The following ACACA variants were observed in gnomAD, a reference collection of about 807,000 sequenced individuals.
ACACA encodes the protein acetyl-CoA carboxylase 1.
Under a neutral mutation model 296.1 loss-of-function variants are expected in ACACA, and 103 were observed. The observed-to-expected ratio is 0.35, with a 90% confidence interval of 0.30 to 0.41. The LOEUF is 0.41. ACACA is among the 10% of genes least tolerant of loss of function. The pLI, the probability that ACACA is intolerant of heterozygous loss-of-function variation, is 1.00. For synonymous variants in ACACA, 953 were observed against 1,038.6 expected, an observed-to-expected ratio of 0.92 and a Z score of 1.58; for missense variants, 1,554 against 2,989.7, an observed-to-expected ratio of 0.52 and a Z score of 11.20.
intron 2 of ACACA, among the ~76,000 whole-genome samples, chr17:37,333,717 G>A (rs557517801): frequency 3.2e-4 from 48 of 151,006 alleles, no homozygotes; most frequent in South Asian, 8.5e-4. Context: ...CAGATAGTCA[G>A]GGCCTGTGAA....
rs56281903 is a variant in ACACA, at chr17:37,388,352, C to T, written c.38+17910G>A. 4.0e-3 allele frequency among the ~76,000 whole-genome samples: 615 copies of T among 152,208 alleles called. 4 individuals carry two copies. The highest frequency in any genetic ancestry group is 0.012 in the South Asian group (56 of 4,820). ...AGCTGACAGTAAAAGAAGTTTAGAG[C>T]TCCATGTGTACCCGAGATTTTTCTT... is the stretch of plus-strand genomic sequence containing the variant. On this transcript the variant is annotated intron_variant, in intron 1 of 55. Transcript: ENST00000616317.
At chr17:37,371,239 C>A (rs1277607660) in intron 1 of ACACA, among the ~76,000 whole-genome samples, 1 of 151,694 alleles carries the variant, frequency 6.6e-6, no homozygotes, top group Admixed American at 6.6e-5. Context: ...GCCACCATGC[C>A]TGGCTAATTT....
intron 3 of ACACA, among the ~76,000 whole-genome samples, chr17:37,285,307 T>C (rs2082716496): frequency 6.6e-6 from 1 of 152,192 alleles, no homozygotes; most frequent in Non-Finnish European, 1.5e-5. Context: ...ATCACGACTC[T>C]GGTGTGCAGA....
chr17:37,342,374 C>T (rs1194083353), intron 1 of ACACA, among the ~76,000 whole-genome samples: 2 of 122,864 alleles, frequency 1.6e-5, no homozygotes, highest in Non-Finnish European at 3.2e-5. Flanking sequence ...CACCACTGCG[C>T]TCCAGGCTGT....
At chr17:37,313,380 T>C (rs972294169) in intron 3 of ACACA, among the ~76,000 whole-genome samples, 1 of 152,194 alleles carries the variant, frequency 6.6e-6, no homozygotes. Flanking sequence ...TATCAAACTA[T>C]GGTTATTACA....
chr17:37,155,628 C>A (rs984212433), intron 43 of ACACA, 55 bp downstream of exon 43: 13 of 1,187,264 alleles, frequency 1.1e-5, no homozygotes, highest in Non-Finnish European at 1.5e-5. Flanking sequence ...GAAAAAAATA[C>A]CATATTCTCC....
Position 37,188,474 on chromosome 17 carries a change from C to T in ACACA, c.4579G>A (p.Glu1527Lys), listed in dbSNP as rs745969915. Residue 1527 changes from glutamate to lysine, a missense_variant, in exon 39 of 56, where the codon GAA becomes AAA. This residue lies in a region of ACACA where 35 missense variants were observed against 131.8 expected (regional missense o/e 0.27). Transcript: ENST00000616317. ...TVIMDPSKIE[E>K]SVRSMVMRYG... ...CGCATTACCATGCTCCGCACGGATT[C>T]CTCAATCTGACACAGACACATCACC... The T allele has an allele frequency of 6.2e-7, 1 of 1,612,698 alleles. No homozygotes were observed. Among genetic ancestry groups the T allele is most frequent in the Non-Finnish European group, 8.5e-7 (1 of 1,179,986 alleles).
Position 37,330,263 on chromosome 17 carries a change from T to G in ACACA, c.248A>C (p.Glu83Ala). Residue 83 changes from glutamate to alanine, a missense_variant, in exon 3 of 56, where the codon GAG (glutamate) becomes GCG (alanine). Glu to Ala is a moderately radical substitution (Grantham distance 107). Transcript: ENST00000616317. The part of the protein sequence containing the change: ...LVKLDLLEEK[E>A]GSLSPASVGS... Reference sequence around the variant, plus strand: ...AACAGAAGCAGGTGACAAGGAGCCCTCCTTCTCCTCCAGTAGGTCCAACTT... The same window carrying G: ...AACAGAAGCAGGTGACAAGGAGCCCGCCTTCTCCTCCAGTAGGTCCAACTT... 2 of 1,614,208 alleles carry G rather than the reference T, an allele frequency of 1.2e-6. No homozygotes were observed. Among genetic ancestry groups the G allele is most frequent in the Non-Finnish European group, 1.7e-6 (2 of 1,180,042 alleles).
At chr17:37,396,664 A>G (rs975329200) in intron 1 of ACACA, among the ~76,000 whole-genome samples, 10 of 152,138 alleles carry the variant, frequency 6.6e-5, no homozygotes, top group Admixed American at 6.6e-4. Flanking sequence ...CTATGTCCAT[A>G]ACTAGCCATT....
intron 41 of ACACA, among the ~76,000 whole-genome samples, chr17:37,169,063 A>AGAAGG (rs2076791130): frequency 6.6e-6 from 1 of 152,214 alleles, no homozygotes; most frequent in Admixed American, 6.5e-5. Context: ...GTTTGCACTG[A>AGAAGG]TAGGCAGGGA....
intron 52 of ACACA, among the ~76,000 whole-genome samples, chr17:37,105,864 CAAAAAA>C (rs61529137): frequency 1.7e-5 from 2 of 115,524 alleles, no homozygotes; most frequent in Non-Finnish European, 4.0e-5. Flanking sequence ...AACTCTGTCT[CAAAAAA>C]AAAAAAAAAA....
At chr17:37,123,834 GTAACTTA>G (rs1158687483) in intron 48 of ACACA, among the ~76,000 whole-genome samples, 1 of 152,156 alleles carries the variant, frequency 6.6e-6, no homozygotes, top group Non-Finnish European at 1.5e-5. Flanking sequence ...CCCTAAATCG[GTAACTTA>G]TAACTTATAT....
intron 2 of ACACA, among the ~76,000 whole-genome samples, chr17:37,335,278 C>T (rs185064993): frequency 6.6e-6 from 1 of 152,252 alleles, no homozygotes; most frequent in Admixed American, 6.5e-5. Flanking sequence ...AATCCCTATA[C>T]CTGAACAATG....
At chr17:37,200,293 A>G in intron 34 of ACACA, 110 bp from the exon 35 acceptor site, 1 of 1,386,738 alleles carries the variant, frequency 7.2e-7, no homozygotes, top group Admixed American at 1.7e-5. Context: ...TGTTTTTTAA[A>G]AATGAAACTT....
At chr17:37,146,099 C>T (rs1006702144) in intron 45 of ACACA, among the ~76,000 whole-genome samples, 1 of 151,932 alleles carries the variant, frequency 6.6e-6, no homozygotes, top group African/African-American at 2.4e-5. Context: ...CAGGAAAACA[C>T]CAGAAAATAT....
chr17:37,289,218 C>T (rs1216700454), intron 3 of ACACA, among the ~76,000 whole-genome samples: 2 of 151,764 alleles, frequency 1.3e-5, no homozygotes, highest in African/African-American at 4.8e-5. Flanking sequence ...GCCAAGATCA[C>T]GCCACTGCAC....
At chr17:37,226,616 A>G (rs2079555862) in intron 25 of ACACA, among the ~76,000 whole-genome samples, 164 bp from the exon 26 acceptor site, 1 of 152,220 alleles carries the variant, frequency 6.6e-6, no homozygotes, top group Non-Finnish European at 1.5e-5. Flanking sequence ...GGTAAAGAAG[A>G]TCCCAGAGGA....
chr17:37,170,931 C>T (rs1372778888), intron 41 of ACACA, among the ~76,000 whole-genome samples: 15 of 152,134 alleles, frequency 9.9e-5, no homozygotes, highest in Non-Finnish European at 1.5e-4. Context: ...CAAAACATGC[C>T]AGGATTTTGT....
intron 1 of ACACA, among the ~76,000 whole-genome samples, chr17:37,390,335 A>T (rs1485642529): frequency 3.3e-5 from 1 of 30,246 alleles, no homozygotes; most frequent in African/African-American, 1.7e-4. Flanking sequence ...TATATATATA[A>T]AAGGCCAGCT....
Sources: allele counts gnomAD v4.1 joint callset (sites outside exome capture counted in the v4.1 genomes callset), GRCh38; gene constraint gnomAD v4.1.1; regional missense constraint gnomAD v4.1.1; transcripts MANE v1.5; gene names NCBI Gene and HGNC (gene_info 2026-07-23, HGNC 2026-07-21).